The following KHDRBS2 variants were observed in gnomAD, a reference collection of about 807,000 sequenced individuals.
The protein encoded by KHDRBS2 is KH RNA binding domain containing, signal transduction associated 2, also known as KH domain-containing, RNA-binding, signal transduction-associated protein 2.
KHDRBS2 carries 26 observed loss-of-function variants against 44.3 expected under a neutral mutation model. The observed-to-expected ratio is 0.59, with a 90% CI of 0.43 to 0.81. The LOEUF (loss-of-function observed/expected upper bound fraction) is 0.81, where lower values mean the gene tolerates loss of function less well. Ranked by LOEUF, KHDRBS2 falls within the 40% of genes least tolerant of loss-of-function variation. The probability of loss-of-function intolerance (pLI) is 0.00; values close to 1 mark genes in which losing one functional copy is unlikely to be tolerated. For missense variants in KHDRBS2, 476 were observed against 433.1 expected, an observed-to-expected ratio of 1.10 and a Z score of -0.88; for synonymous variants, 194 against 151.1, an observed-to-expected ratio of 1.28 and a Z score of -2.08.
intron 1 of KHDRBS2, among the ~76,000 whole-genome samples, chr6:62,266,331 C>T (rs1207975356): frequency 1.3e-5 from 2 of 152,038 alleles, no homozygotes; most frequent in Non-Finnish European, 2.9e-5. Context: ...CTCTGGCTGG[C>T]AGAGCCTGCT....
At chr6:62,058,097 C>A (rs1421361049) in intron 2 of KHDRBS2, among the ~76,000 whole-genome samples, 1 of 151,708 alleles carries the variant, frequency 6.6e-6, no homozygotes, top group Non-Finnish European at 1.5e-5. Context: ...TGGCATTTTT[C>A]TGGTCACATG....
chr6:61,627,995 C>T, the KHDRBS2 span, among the ~76,000 whole-genome samples: 2 of 152,012 alleles, frequency 1.3e-5, no homozygotes, highest in East Asian at 3.9e-4. Context: ...GGTCTGTGCC[C>T]TTAACCTGTG....
chr6:62,079,941 G>A (rs559494682), intron 2 of KHDRBS2, among the ~76,000 whole-genome samples: 17 of 151,894 alleles, frequency 1.1e-4, no homozygotes, highest in African/African-American at 3.9e-4. Context: ...GGTACTGCAA[G>A]GCAGCACATT....
intron 8 of KHDRBS2, among the ~76,000 whole-genome samples, chr6:61,686,651 C>T (rs544001330): frequency 2.0e-5 from 3 of 151,670 alleles, no homozygotes; most frequent in South Asian, 2.1e-4. Context: ...CACAATTTTC[C>T]TACAAGGTAG....
Position 61,725,155 on chromosome 6 carries a change from G to A in KHDRBS2, c.893+7527C>T, listed in dbSNP as rs191035212. On this transcript the variant is annotated intron_variant, in intron 7 of 8. Coordinates refer to ENST00000281156, the MANE Select transcript of KHDRBS2 (RefSeq NM_152688.4). Reference sequence around the variant, plus strand: ...TTGATCTCAAGATTAAGAAATTCACGAAAAATCACACAACTACATGGAAAT... The same window carrying A: ...TTGATCTCAAGATTAAGAAATTCACAAAAAATCACACAACTACATGGAAAT... Among the ~76,000 whole-genome samples the A allele has an allele frequency of 2.8e-3, 421 of 152,072 alleles. 2 individuals are homozygous for A. Among genetic ancestry groups the A allele is most frequent in the Admixed American group, 3.9e-3 (59 of 15,260 alleles).
At chr6:61,925,517 G>T (rs564484141) in intron 4 of KHDRBS2, among the ~76,000 whole-genome samples, 1 of 152,090 alleles carries the variant, frequency 6.6e-6, no homozygotes, top group African/African-American at 2.4e-5. Context: ...GGAGTTCAAG[G>T]CCAGCCTCGG....
intron 2 of KHDRBS2, among the ~76,000 whole-genome samples, chr6:62,071,235 T>C (rs1226568555): frequency 6.6e-6 from 1 of 152,208 alleles, no homozygotes; most frequent in Non-Finnish European, 1.5e-5. Context: ...AGATTCTGGA[T>C]ATTAGCCCTT....
At chr6:61,941,403 C>T (rs1039876857) in intron 4 of KHDRBS2, among the ~76,000 whole-genome samples, 27 of 152,118 alleles carry the variant, frequency 1.8e-4, no homozygotes, top group Admixed American at 1.6e-3. Flanking sequence ...CACCCACCCG[C>T]TACATTACTG....
chr6:62,144,091 A>G (rs922184289), intron 2 of KHDRBS2, among the ~76,000 whole-genome samples: 1 of 151,858 alleles, frequency 6.6e-6, no homozygotes, highest in African/African-American at 2.4e-5. Flanking sequence ...CAAGCACACT[A>G]TTTCAACCAG....
At chr6:62,268,278 T>A (rs987290997) in intron 1 of KHDRBS2, among the ~76,000 whole-genome samples, 1 of 152,072 alleles carries the variant, frequency 6.6e-6, no homozygotes, top group Non-Finnish European at 1.5e-5. Flanking sequence ...ATTCTGTCAG[T>A]CTAGATCATT....
chr6:62,225,873 CT>C (rs1451773835), intron 1 of KHDRBS2, among the ~76,000 whole-genome samples: 2 of 152,120 alleles, frequency 1.3e-5, no homozygotes, highest in Non-Finnish European at 2.9e-5. Flanking sequence ...GATCTCATTG[CT>C]TTTTATGGCT....
chr6:61,965,508 G>T (rs549223917), intron 4 of KHDRBS2, among the ~76,000 whole-genome samples: 1 of 152,152 alleles, frequency 6.6e-6, no homozygotes, highest in East Asian at 1.9e-4. Flanking sequence ...ATGATCAGTG[G>T]AGGCAAATGG....
At chr6:61,817,019 G>C (rs780517634) in intron 6 of KHDRBS2, 12 of 455,550 alleles carry the variant, frequency 2.6e-5, no homozygotes, top group African/African-American at 2.2e-4. Context: ...AAACATTAAG[G>C]AGAGGTACAG....
At chr6:61,616,495 AT>A in the KHDRBS2 span, among the ~76,000 whole-genome samples, 2 of 144,738 alleles carry the variant, frequency 1.4e-5, no homozygotes, top group South Asian at 2.2e-4. Flanking sequence ...ATATATATAT[AT>A]ATAATGCTAT....
intron 6 of KHDRBS2, among the ~76,000 whole-genome samples, chr6:61,856,288 G>A (rs1310033189): frequency 6.6e-6 from 1 of 152,100 alleles, no homozygotes; most frequent in Non-Finnish European, 1.5e-5. Flanking sequence ...CACTGCTACT[G>A]TAATGGAGAA....
At chr6:62,030,104 A>G (rs535267606) in intron 3 of KHDRBS2, among the ~76,000 whole-genome samples, 150 of 152,156 alleles carry the variant, frequency 9.9e-4, no homozygotes, top group Non-Finnish European at 1.6e-3. Flanking sequence ...GCCACAAGAG[A>G]TTCACCAATA....
At chr6:62,200,311 G>A (rs549659620) in intron 1 of KHDRBS2, among the ~76,000 whole-genome samples, 37 of 152,196 alleles carry the variant, frequency 2.4e-4, no homozygotes, top group African/African-American at 8.4e-4. Context: ...TGACAGAATG[G>A]GAGAAAATTT....
At chr6:61,823,209 G>A (rs1333168280) in intron 6 of KHDRBS2, among the ~76,000 whole-genome samples, 1 of 152,072 alleles carries the variant, frequency 6.6e-6, no homozygotes, top group East Asian at 1.9e-4. Flanking sequence ...GAGGGTTGGG[G>A]AGACATACAT....
At chr6:61,723,156 A>AAAACAAAC (rs56386313) in intron 7 of KHDRBS2, among the ~76,000 whole-genome samples, 26,070 of 150,394 alleles carry the variant, frequency 0.17, 2,441 homozygotes, top group African/African-American at 0.23. Context: ...CTGACCATAA[A>AAAACAAAC]AAACAAACAA....
Sources: allele counts gnomAD v4.1 joint callset (sites outside exome capture counted in the v4.1 genomes callset), GRCh38; gene constraint gnomAD v4.1.1; transcripts MANE v1.5; gene names NCBI Gene and HGNC (gene_info 2026-07-23, HGNC 2026-07-21).